GALNT13: variants seen among roughly 807,000 people sequenced by gnomAD.
The protein encoded by GALNT13 is UDP-GalNAc:polypeptide N-acetylgalactosaminyltransferase 13.
GALNT13 carries 28 observed loss-of-function variants against 64.2 expected under a neutral mutation model. The ratio of observed to expected loss-of-function variants is 0.44; its 90% confidence interval spans 0.32 to 0.60. The LOEUF is 0.60. Among genes scored for constraint, GALNT13 ranks in the 20% least tolerant of loss-of-function variants. The pLI, the probability that GALNT13 is intolerant of heterozygous loss-of-function variation, is 0.05. For missense variants in GALNT13, 577 were observed against 669.8 expected (o/e 0.86, Z 1.53); for synonymous variants, 214 against 224.6 (o/e 0.95, Z 0.42).
the GALNT13 span, among the ~76,000 whole-genome samples, chr2:153,425,281 G>C: frequency 1.3e-5 from 2 of 151,370 alleles, no homozygotes; most frequent in African/African-American, 4.8e-5. Flanking sequence ...GCATCAATGG[G>C]GCCTATAGTT....
the GALNT13 span, among the ~76,000 whole-genome samples, chr2:153,637,240 C>T: frequency 6.6e-6 from 1 of 151,960 alleles, no homozygotes; most frequent in South Asian, 2.1e-4. Flanking sequence ...TGTATTAATT[C>T]CCTTTGAAGT....
At chr2:153,632,237 A>G in the GALNT13 span, among the ~76,000 whole-genome samples, 3 of 152,212 alleles carry the variant, frequency 2.0e-5, no homozygotes, top group East Asian at 5.8e-4. Flanking sequence ...TTAAACTCAT[A>G]GAACAATTCA....
chr2:153,523,508 G>A, the GALNT13 span, among the ~76,000 whole-genome samples: 1 of 152,224 alleles, frequency 6.6e-6, no homozygotes, highest in Non-Finnish European at 1.5e-5. Context: ...GAGTTTTATA[G>A]TTTTCCTCAG....
intron 1 of GALNT13, among the ~76,000 whole-genome samples, chr2:153,886,466 G>A (rs189415934): frequency 2.6e-5 from 4 of 151,244 alleles, no homozygotes; most frequent in Admixed American, 2.0e-4. Flanking sequence ...CATAAAAAGC[G>A]ATGAGTTCAT....
intron 3 of GALNT13, among the ~76,000 whole-genome samples, chr2:153,965,426 A>G (rs1196164067): frequency 6.6e-6 from 1 of 152,142 alleles, no homozygotes; most frequent in Admixed American, 6.5e-5. Flanking sequence ...TAACTCCCAA[A>G]TGTGAGTGAG....
At chr2:154,274,727 C>T (rs976469425) in intron 8 of GALNT13, among the ~76,000 whole-genome samples, 1 of 152,060 alleles carries the variant, frequency 6.6e-6, no homozygotes, top group Non-Finnish European at 1.5e-5. Context: ...TCTTTATTAG[C>T]AGCATGAGAA....
chr2:153,682,249 T>G, the GALNT13 span, among the ~76,000 whole-genome samples: 1 of 151,790 alleles, frequency 6.6e-6, no homozygotes, highest in East Asian at 1.9e-4. Context: ...ACAACTCCCT[T>G]TTTTCAGTCT....
At chr2:153,301,252 G>C in the GALNT13 span, among the ~76,000 whole-genome samples, 1 of 128,734 alleles carries the variant, frequency 7.8e-6, no homozygotes, top group Non-Finnish European at 1.6e-5. Context: ...AGAGGTTACA[G>C]TGAGCTGAGA....
the GALNT13 span, among the ~76,000 whole-genome samples, chr2:153,764,358 G>A: frequency 2.0e-5 from 3 of 152,172 alleles, no homozygotes; most frequent in African/African-American, 4.8e-5. Context: ...CCAACATGGA[G>A]AAACCCCATT....
At chr2:153,625,556 A>G in the GALNT13 span, among the ~76,000 whole-genome samples, 99 of 152,250 alleles carry the variant, frequency 6.5e-4, 2 homozygotes, top group Middle Eastern at 3.4e-3. Flanking sequence ...AGAACTGCTT[A>G]CCACAAAGTA....
the GALNT13 span, among the ~76,000 whole-genome samples, chr2:153,699,580 T>C: frequency 2.7e-5 from 4 of 149,978 alleles, no homozygotes; most frequent in African/African-American, 9.8e-5. Flanking sequence ...ATTAGCAAAA[T>C]AGACGGACCG....
chr2:153,790,076 CATT>C, the GALNT13 span, among the ~76,000 whole-genome samples: 2 of 152,150 alleles, frequency 1.3e-5, no homozygotes, highest in African/African-American at 4.8e-5. Context: ...CTTCCCAACT[CATT>C]CTGTGAGGCC....
At chr2:153,388,298 G>A in the GALNT13 span, among the ~76,000 whole-genome samples, 1 of 151,990 alleles carries the variant, frequency 6.6e-6, no homozygotes. Flanking sequence ...AGATCTAGTG[G>A]TTATAAAAAC....
the GALNT13 span, among the ~76,000 whole-genome samples, chr2:153,207,201 A>G: frequency 1.3e-5 from 2 of 152,182 alleles, no homozygotes; most frequent in South Asian, 2.1e-4. Flanking sequence ...TGCTGCAGAA[A>G]TGGAATAGTT....
chr2:154,379,844 T>C (rs1039411496), intron 9 of GALNT13, among the ~76,000 whole-genome samples: 1 of 151,964 alleles, frequency 6.6e-6, no homozygotes, highest in East Asian at 1.9e-4. Context: ...TTTAAAAAGA[T>C]TAAAGGAATT....
intron 2 of GALNT13, among the ~76,000 whole-genome samples, chr2:153,935,294 T>C (rs1690824427): frequency 6.6e-6 from 1 of 152,204 alleles, no homozygotes; most frequent in South Asian, 2.1e-4. Context: ...CAATAGATGA[T>C]TTAATAGAAT....
chr2:154,250,878 A>C (rs901503925), intron 7 of GALNT13, among the ~76,000 whole-genome samples: 24 of 152,116 alleles, frequency 1.6e-4, no homozygotes, highest in African/African-American at 5.5e-4. Context: ...ACAACAGCAC[A>C]GGGAAAGGTC....
At chr2:154,198,247 G>A (rs980202934) in intron 4 of GALNT13, among the ~76,000 whole-genome samples, 1 of 151,990 alleles carries the variant, frequency 6.6e-6, no homozygotes, top group Non-Finnish European at 1.5e-5. Flanking sequence ...CTATTGAGAC[G>A]GTGAGATGGG....
the GALNT13 span, among the ~76,000 whole-genome samples, chr2:153,493,631 CATT>C: frequency 7.3e-3 from 1,105 of 151,882 alleles, 12 homozygotes; most frequent in African/African-American, 0.026. Flanking sequence ...TTCTCCAACT[CATT>C]ATATAAGGCC....
Sources: gnomAD v4.1 joint callset for allele counts (sites outside exome capture counted in the v4.1 genomes callset) on GRCh38, gnomAD v4.1.1 for gene constraint, MANE v1.5 for transcripts, NCBI Gene and HGNC (gene_info 2026-07-23, HGNC 2026-07-21) for gene names.